NKAIN3: variants seen among roughly 807,000 people sequenced by gnomAD.
NKAIN3 encodes the protein sodium/potassium transporting ATPase interacting 3, also known as sodium/potassium-transporting ATPase subunit beta-1-interacting protein 3.
A neutral mutation model predicts 30.2 loss-of-function variants in NKAIN3; 25 were observed. The observed-to-expected ratio is 0.83, with a 90% confidence interval of 0.60 to 1.16. The LOEUF (loss-of-function observed/expected upper bound fraction) is 1.16. NKAIN3 is among the 50% of genes most tolerant of loss of function. The pLI, the probability that NKAIN3 is intolerant of heterozygous loss-of-function variation, is 0.00. For missense variants in NKAIN3, 225 were observed against 254.1 expected (o/e 0.89, Z 0.78); for synonymous variants, 91 against 89.6 (o/e 1.02, Z -0.09).
chr8:62,934,442 C>T (rs1162899225), intron 5 of NKAIN3, among the ~76,000 whole-genome samples: 1 of 151,644 alleles, frequency 6.6e-6, no homozygotes, highest in Non-Finnish European at 1.5e-5. Context: ...GTGAGAAAAT[C>T]AACACAAAAA....
chr8:62,791,405 T>C (rs966078002), intron 4 of NKAIN3, among the ~76,000 whole-genome samples: 1 of 152,118 alleles, frequency 6.6e-6, no homozygotes, highest in African/African-American at 2.4e-5. Context: ...TGAGAACCAG[T>C]GAAAATTTAA....
intron 5 of NKAIN3, among the ~76,000 whole-genome samples, chr8:62,942,862 C>A (rs1342906090): frequency 6.6e-6 from 1 of 151,990 alleles, no homozygotes; most frequent in Non-Finnish European, 1.5e-5. Context: ...TCATCTTTCG[C>A]CTTATATGTA....
chr8:62,866,707 G>A (rs1472291469), intron 4 of NKAIN3, among the ~76,000 whole-genome samples: 2 of 152,094 alleles, frequency 1.3e-5, no homozygotes, highest in Admixed American at 1.3e-4. Flanking sequence ...GCTAACAAGT[G>A]TTGTAACAAT....
At chr8:62,800,492 G>A (rs1185532916) in intron 4 of NKAIN3, among the ~76,000 whole-genome samples, 1 of 152,088 alleles carries the variant, frequency 6.6e-6, no homozygotes. Flanking sequence ...CTAAAAGGAG[G>A]AATTCCCAGT....
At chr8:62,397,836 A>G (rs1401846167) in intron 1 of NKAIN3, among the ~76,000 whole-genome samples, 2 of 152,094 alleles carry the variant, frequency 1.3e-5, no homozygotes, top group African/African-American at 4.8e-5. Context: ...GAGCAAAGGG[A>G]GCAGAAAGAG....
intron 3 of NKAIN3, among the ~76,000 whole-genome samples, chr8:62,607,876 C>T (rs1346066540): frequency 6.6e-6 from 1 of 152,006 alleles, no homozygotes; most frequent in African/African-American, 2.4e-5. Context: ...CAAAAATAGG[C>T]TTTTTGTATA....
chr8:62,402,913 G>A (rs1452147199), intron 1 of NKAIN3, among the ~76,000 whole-genome samples: 1 of 152,196 alleles, frequency 6.6e-6, no homozygotes, highest in African/African-American at 2.4e-5. Flanking sequence ...ATAGGAAAAT[G>A]TGGGAAAGTT....
At chr8:62,310,105 C>T (rs997119370) in intron 1 of NKAIN3, among the ~76,000 whole-genome samples, 1 of 150,364 alleles carries the variant, frequency 6.7e-6, no homozygotes, top group African/African-American at 2.5e-5. Context: ...AATAGTCTAT[C>T]ATCTATTTTC....
chr8:62,887,065 T>C (rs1317852780), intron 4 of NKAIN3, among the ~76,000 whole-genome samples: 1 of 152,202 alleles, frequency 6.6e-6, no homozygotes, highest in Non-Finnish European at 1.5e-5. Context: ...CTGTCTATTA[T>C]TGATGGACAT....
intron 3 of NKAIN3, among the ~76,000 whole-genome samples, chr8:62,709,378 A>G (rs932233355): frequency 1.3e-5 from 2 of 152,122 alleles, no homozygotes; most frequent in African/African-American, 4.8e-5. Flanking sequence ...TAATTTTTAA[A>G]TTACCATTTC....
chr8:62,913,584 A>C (rs902909461), intron 4 of NKAIN3, among the ~76,000 whole-genome samples: 15 of 152,340 alleles, frequency 9.8e-5, no homozygotes, highest in Non-Finnish European at 1.8e-4. Flanking sequence ...GATTTAGTAG[A>C]TTTACAGATT....
At chr8:62,881,655 T>A (rs915552404) in intron 4 of NKAIN3, among the ~76,000 whole-genome samples, 15 of 152,342 alleles carry the variant, frequency 9.8e-5, no homozygotes, top group Non-Finnish European at 1.8e-4. Flanking sequence ...ACATCTTGGT[T>A]GCTTCCAAAT....
intron 4 of NKAIN3, among the ~76,000 whole-genome samples, chr8:62,757,805 G>C (rs991011117): frequency 6.6e-6 from 1 of 152,202 alleles, no homozygotes; most frequent in Admixed American, 6.5e-5. Flanking sequence ...GTGGCTTAAA[G>C]CTGGAAAGAA....
intron 1 of NKAIN3, among the ~76,000 whole-genome samples, chr8:62,557,647 C>G (rs1809447618): frequency 6.6e-6 from 1 of 151,978 alleles, no homozygotes. Flanking sequence ...TTTGCATTTC[C>G]CTGATCATTA....
intron 1 of NKAIN3, among the ~76,000 whole-genome samples, chr8:62,344,511 G>A (rs530342224): frequency 1.3e-5 from 2 of 152,010 alleles, no homozygotes; most frequent in African/African-American, 2.4e-5. Context: ...ATATTTTTAC[G>A]TAGGTATTCA....
chr8:62,834,295 T>C (rs986720136), intron 4 of NKAIN3, among the ~76,000 whole-genome samples: 1 of 152,106 alleles, frequency 6.6e-6, no homozygotes, highest in Non-Finnish European at 1.5e-5. Context: ...TCACTACTAT[T>C]ATTCTACCTG....
intron 1 of NKAIN3, among the ~76,000 whole-genome samples, chr8:62,254,209 G>A (rs955928204): frequency 6.9e-6 from 1 of 145,824 alleles, no homozygotes; most frequent in Non-Finnish European, 1.5e-5. Flanking sequence ...TGTAGGTCTA[G>A]CAGATGTGTT....
At chr8:62,697,492 A>G (rs1377096901) in intron 3 of NKAIN3, among the ~76,000 whole-genome samples, 11 of 152,014 alleles carry the variant, frequency 7.2e-5, no homozygotes, top group Admixed American at 7.2e-4. Flanking sequence ...AAAATTTCAA[A>G]CTTCGTCCAC....
At chr8:62,589,201 A>G in intron 2 of NKAIN3, among the ~76,000 whole-genome samples, 1 of 151,788 alleles carries the variant, frequency 6.6e-6, no homozygotes, top group East Asian at 1.9e-4. Context: ...TTTTTATTAT[A>G]TGATCATATT....
Sources: allele counts gnomAD v4.1 joint callset (sites outside exome capture counted in the v4.1 genomes callset), GRCh38; gene constraint gnomAD v4.1.1; transcripts MANE v1.5; gene names NCBI Gene and HGNC (gene_info 2026-07-23, HGNC 2026-07-21).